IGSF3: variants seen among roughly 807,000 people sequenced by gnomAD.
IGSF3 encodes the protein glu-Trp-Ile EWI motif-containing protein 3.
IGSF3 carries 23 observed loss-of-function variants against 114.4 expected under a neutral mutation model. The observed-to-expected ratio is 0.20, with a 90% confidence interval of 0.14 to 0.28. The LOEUF (loss-of-function observed/expected upper bound fraction) is 0.28, where lower values mean the gene tolerates loss of function less well. Ranked by LOEUF, IGSF3 falls within the 10% of genes least tolerant of loss-of-function variation. The pLI, the probability that IGSF3 is intolerant of heterozygous loss-of-function variation, is 1.00. For synonymous variants in IGSF3, 571 were observed against 645.2 expected, an observed-to-expected ratio of 0.88 and a Z score of 1.74; for missense variants, 1,172 against 1,591.5, an observed-to-expected ratio of 0.74 and a Z score of 4.48.
Position 116,582,964 on chromosome 1 carries a change from C to T in IGSF3, c.2848+1681G>A, listed in dbSNP as rs1163069383. Among the ~76,000 whole-genome samples, 1 of 152,204 alleles carries T rather than the reference C, an allele frequency of 6.6e-6. No homozygotes were observed. ...GGGAAGGCAGATTGATCCAGGCTTG[C>T]TCACAGGGTTGAACAGGAGGCAGAC... On this transcript the variant is annotated intron_variant, in intron 9 of 10. Transcript: ENST00000369486. The surrounding 1 kb of genome is among the most constrained non-coding windows in gnomAD (Gnocchi z 4.7).
chr1:116,613,611 C>T (rs1300927502), intron 4 of IGSF3, among the ~76,000 whole-genome samples, 154 bp downstream of exon 4: 2 of 152,242 alleles, frequency 1.3e-5, no homozygotes, highest in Non-Finnish European at 2.9e-5. Context: ...CATCCCTCAG[C>T]TCCCTCCAGC....
At chr1:116,660,643 A>T (rs1401817392) in intron 2 of IGSF3, among the ~76,000 whole-genome samples, 10 of 151,770 alleles carry the variant, frequency 6.6e-5, no homozygotes, top group Non-Finnish European at 1.5e-5. Flanking sequence ...ACGCCCAGCT[A>T]ATTGGCCAGG....
At chr1:116,609,824 C>T (rs1181571398) in intron 4 of IGSF3, among the ~76,000 whole-genome samples, 1 of 152,134 alleles carries the variant, frequency 6.6e-6, no homozygotes, top group East Asian at 1.9e-4. Context: ...ACATAAGAAT[C>T]ATGCATAAGC....
rs1386992673 is a variant in IGSF3, at chr1:116,589,183, G to C, written c.2030-79C>G. The C allele has an allele frequency of 1.8e-5, 24 of 1,352,490 alleles. No individual in the cohort carries two copies. 83.8% of individuals were successfully genotyped at this position (1,352,490 alleles called of 1,614,324 possible). A position where few individuals can be genotyped will look rare whatever the true frequency, so the allele number is the denominator to read the frequency against. On this transcript the variant is annotated intron_variant, in intron 7 of 10. Transcript: ENST00000369486. The surrounding 1 kb of genome is among the most constrained non-coding windows in gnomAD (Gnocchi z 5.7). ...CATCCACCTCCAGGCTCTGAGCCAG[G>C]TTTCCTCCAGCACAGTTCCTGGGGG... is the stretch of plus-strand genomic sequence containing the variant.
Position 116,618,535 on chromosome 1 carries a change from A to G in IGSF3, c.44-2078T>C, listed in dbSNP as rs747530243. Among the ~76,000 whole-genome samples, 2 of 152,220 alleles carry G rather than the reference A, an allele frequency of 1.3e-5. No individual in the cohort carries two copies. Among genetic ancestry groups the G allele is most frequent in the Non-Finnish European group, 2.9e-5 (2 of 68,036 alleles). On this transcript the variant is annotated intron_variant, in intron 2 of 10. Transcript: ENST00000369486. This position sits in a 1 kb window ranked among gnomAD's most constrained non-coding sequence, Gnocchi z 4.7. ...AGATCAAGTAGGGGAAATGACTGAT[A>G]TTCAGTAACAGTGCTGGGACATTTC...
In IGSF3 at chr1:116,616,816, G is replaced by A. The variant is rs1205595062; in HGVS notation, c.44-359C>T. Reference sequence around the variant, plus strand: ...GTTTTTAATAAAATGAGCAGGAAAAGTTGAATCCTTGGCACAAATTCAGAT... The same window carrying A: ...GTTTTTAATAAAATGAGCAGGAAAAATTGAATCCTTGGCACAAATTCAGAT... On this transcript the variant is annotated intron_variant, in intron 2 of 10. Transcript: ENST00000369486. This position sits in a 1 kb window ranked among gnomAD's most constrained non-coding sequence, Gnocchi z 6.6. Among the ~76,000 whole-genome samples, 1 of 152,188 alleles carries A rather than the reference G, an allele frequency of 6.6e-6. No homozygotes were observed. The highest frequency in any genetic ancestry group is 1.5e-5 in the Non-Finnish European group (1 of 68,032).
In IGSF3 at chr1:116,664,344, T is replaced by G. The variant is rs572493663; in HGVS notation, c.43+1940A>C. On this transcript the variant is annotated intron_variant, in intron 2 of 10. Transcript: ENST00000369486. This position sits in a 1 kb window ranked among gnomAD's most constrained non-coding sequence, Gnocchi z 4.6. ...CCAGGTGCCAGGGCCCGAGCTCCAC[T>G]CCACAGAGTGGCCCAGAGAGCGAAC... 6.6e-6 allele frequency among the ~76,000 whole-genome samples: 1 copy of G among 152,276 alleles called. No homozygotes were observed. Among genetic ancestry groups the G allele is most frequent in the South Asian group, 2.1e-4 (1 of 4,820 alleles).
rs986270005 is a variant in IGSF3 at position 116,577,920 on chromosome 1, G to A, written c.3335-358C>T. On this transcript the variant is annotated intron_variant, in intron 10 of 10. Coordinates refer to ENST00000369486, the MANE Select transcript of IGSF3 (RefSeq NM_001007237.3). The surrounding 1 kb of genome is among the most constrained non-coding windows in gnomAD (Gnocchi z 5.7). ...TTCAGTCGGAGCCTCCTGCATGGTT[G>A]GATTTTACATGCCCCTTTGCACTTA... Among the ~76,000 whole-genome samples the A allele has an allele frequency of 6.6e-6, 1 of 152,088 alleles. No individual in the cohort carries two copies. The highest frequency in any genetic ancestry group is 2.4e-5 in the African/African-American group (1 of 41,402).
intron 2 of IGSF3, among the ~76,000 whole-genome samples, chr1:116,663,657 C>G (rs1453806020): frequency 1.3e-5 from 2 of 152,156 alleles, no homozygotes; most frequent in Non-Finnish European, 1.5e-5. Context: ...AAAGAGGAAT[C>G]TGATTCCAAT....
rs1463959878 is a variant in IGSF3 at position 116,632,683 on chromosome 1, A to C, written c.44-16226T>G. On this transcript the variant is annotated intron_variant, in intron 2 of 10. Transcript: ENST00000369486. The surrounding 1 kb of genome is among the most constrained non-coding windows in gnomAD (Gnocchi z 5.1). ...GAGGGGAGAAAGAGAGGCTGTACTC[A>C]TTAACTCAGAGCTGACCTCGTCTGG... Among the ~76,000 whole-genome samples, 1 of 152,238 alleles carries C rather than the reference A, an allele frequency of 6.6e-6. No individual in the cohort carries two copies. The highest frequency in any genetic ancestry group is 1.5e-5 in the Non-Finnish European group (1 of 68,044).
rs1337583801 is a variant in IGSF3, at chr1:116,595,225, A to C, written c.2029+4716T>G. ...GCAGTGACCCTGGCTCCTTGATGCC[A>C]ATAACAAGTGCCCCGGTGTTACCAT... On this transcript the variant is annotated intron_variant, in intron 7 of 10. Transcript: ENST00000369486. The surrounding 1 kb of genome is among the most constrained non-coding windows in gnomAD (Gnocchi z 4.2). 1.3e-5 allele frequency among the ~76,000 whole-genome samples: 2 copies of C among 152,190 alleles called. No individual in the cohort carries two copies. Among genetic ancestry groups the C allele is most frequent in the Non-Finnish European group, 2.9e-5 (2 of 68,022 alleles).
At position 116,576,060 on chromosome 1, in the gene IGSF3, A is replaced by G. The variant is rs1178156125; in HGVS notation, c.*1252T>C. 1 of 152,236 alleles carries G rather than the reference A, an allele frequency of 6.6e-6. No homozygotes were observed. The highest frequency in any genetic ancestry group is 1.5e-5 in the Non-Finnish European group (1 of 68,070). The allele number at this position is 152,236 out of a possible 1,614,324, so 9.4% of individuals were successfully genotyped here. A position where few individuals can be genotyped will look rare whatever the true frequency, so the allele number is the denominator to read the frequency against. On this transcript the variant is annotated 3_prime_UTR_variant, in exon 11 of 11. Transcript: ENST00000369486. The surrounding 1 kb of genome is among the most constrained non-coding windows in gnomAD (Gnocchi z 4.6). ...GTGAGAGGCAGGGAGAGAAAAATGA[A>G]TAAGGAAGACATCACTATAATTAAG... is the stretch of plus-strand genomic sequence containing the variant.
In IGSF3 at chr1:116,579,934, A is replaced by C; in HGVS notation, c.2849-57T>G. 1 of 1,422,704 alleles carries C rather than the reference A, an allele frequency of 7.0e-7. No homozygotes were observed. The highest frequency in any genetic ancestry group is 9.5e-7 in the Non-Finnish European group (1 of 1,057,432). The allele number at this position is 1,422,704 out of a possible 1,614,324, so 88.1% of individuals were successfully genotyped here. A position where few individuals can be genotyped will look rare whatever the true frequency, so the allele number is the denominator to read the frequency against. On this transcript the variant is annotated intron_variant, in intron 9 of 10. Transcript: ENST00000369486. The surrounding 1 kb of genome is among the most constrained non-coding windows in gnomAD (Gnocchi z 6.4). ...GGTTGTTTAAATTTATTTGCTCAAA[A>C]TAAACTAAATGTCCATCATTAAACA...
intron 2 of IGSF3, among the ~76,000 whole-genome samples, chr1:116,653,535 G>T (rs779078642): frequency 4.6e-5 from 7 of 152,198 alleles, no homozygotes; most frequent in Non-Finnish European, 8.8e-5. Flanking sequence ...AGAGTGGGAA[G>T]GCGAATGTTT....
Position 116,657,245 on chromosome 1 carries a change from C to G in IGSF3, c.43+9039G>C, listed in dbSNP as rs970018334. 3.9e-5 allele frequency among the ~76,000 whole-genome samples: 6 copies of G among 152,182 alleles called. No homozygotes were observed. The highest frequency in any genetic ancestry group is 1.4e-4 in the African/African-American group (6 of 41,444). On this transcript the variant is annotated intron_variant, in intron 2 of 10. Transcript: ENST00000369486. This position sits in a 1 kb window ranked among gnomAD's most constrained non-coding sequence, Gnocchi z 4.2. ...AAATGATGGCTGCTCAACTCTGCAT[C>G]TCCTTTCCTCTCCCTGATGAAAAGT...
chr1:116,590,098 G>C (rs1265633107), intron 7 of IGSF3, among the ~76,000 whole-genome samples: 4 of 152,072 alleles, frequency 2.6e-5, no homozygotes, highest in Non-Finnish European at 5.9e-5. Context: ...GGGAGTGAGA[G>C]AGAAGGCTGA....
Position 116,612,375 on chromosome 1 carries a change from T to C in IGSF3, c.832+1390A>G, listed in dbSNP as rs1344050778. On this transcript the variant is annotated intron_variant, in intron 4 of 10. Coordinates refer to ENST00000369486, the MANE Select transcript of IGSF3 (RefSeq NM_001007237.3). This position sits in a 1 kb window ranked among gnomAD's most constrained non-coding sequence, Gnocchi z 4.1. ...CATTAGATGACTTATTAAAGTGATG[T>C]CCAGAGAATTGCTTCTGCCCTAGAA... 1.3e-5 allele frequency among the ~76,000 whole-genome samples: 2 copies of C among 152,126 alleles called. No individual in the cohort carries two copies. The highest frequency in any genetic ancestry group is 6.5e-5 in the Admixed American group (1 of 15,272).
At chr1:116,620,952 T>C (rs1661396770) in intron 2 of IGSF3, among the ~76,000 whole-genome samples, 3 of 152,206 alleles carry the variant, frequency 2.0e-5, no homozygotes. Flanking sequence ...TTGGGGTCTC[T>C]GTACCCACCT....
rs1178481880 is a variant in IGSF3 at position 116,632,523 on chromosome 1, G to A, written c.44-16066C>T. ...AGAAGCCTCGCAGGCAGAGAAGAAA[G>A]CAAACCTGGAAGGCAACAAATGGAC... On this transcript the variant is annotated intron_variant, in intron 2 of 10. Transcript: ENST00000369486. The surrounding 1 kb of genome is among the most constrained non-coding windows in gnomAD (Gnocchi z 5.1). 6.6e-6 allele frequency among the ~76,000 whole-genome samples: 1 copy of A among 152,198 alleles called. No homozygotes were observed. Among genetic ancestry groups the A allele is most frequent in the Non-Finnish European group, 1.5e-5 (1 of 68,040 alleles).
Sources: gnomAD v4.1 joint callset for allele counts (sites outside exome capture counted in the v4.1 genomes callset) on GRCh38, gnomAD v4.1.1 for gene constraint, Gnocchi (gnomAD v3.1) non-coding constraint, MANE v1.5 for transcripts, NCBI Gene and HGNC (gene_info 2026-07-23, HGNC 2026-07-21) for gene names.